Variants in FAAH2 observed in about 807,000 individuals in gnomAD.
The protein encoded by FAAH2 is fatty-acid amide hydrolase 2.
Under a neutral mutation model 36.9 loss-of-function variants are expected in FAAH2, and 60 were observed. That is an observed-to-expected ratio of 1.63 (90% confidence interval 1.32 to 2.02). FAAH2 has a LOEUF of 2.02. Ranked by LOEUF, FAAH2 falls within the 30% of genes most tolerant of loss-of-function variation. FAAH2 has a pLI of 0.00. For missense variants in FAAH2, 689 were observed against 397.5 expected (o/e 1.73, Z -6.23); for synonymous variants, 214 against 143.8 (o/e 1.49, Z -3.49).
chrX:57,431,065 C>T (rs2056281830), intron 7 of FAAH2, among the ~76,000 whole-genome samples: 1 of 111,778 alleles, frequency 8.9e-6, no homozygotes, highest in Admixed American at 9.5e-5. Flanking sequence ...TGAGCTGCAA[C>T]ACTAAATCGA....
intron 4 of FAAH2, among the ~76,000 whole-genome samples, chrX:57,338,814 G>A (rs1013209576): frequency 3.6e-5 from 4 of 111,265 alleles, no homozygotes; most frequent in African/African-American, 1.3e-4. Flanking sequence ...AATCATTATC[G>A]TGAAAATAGC....
chrX:57,193,348 G>A, the FAAH2 span, among the ~76,000 whole-genome samples: 1 of 111,782 alleles, frequency 8.9e-6, no homozygotes, highest in Admixed American at 9.5e-5. Flanking sequence ...CTCAAACCCT[G>A]TCTCCTGATA....
At chrX:57,132,316 C>T in the FAAH2 span, among the ~76,000 whole-genome samples, 2 of 111,720 alleles carry the variant, frequency 1.8e-5, no homozygotes, top group Admixed American at 9.5e-5. Flanking sequence ...GCGGGGAGGC[C>T]GATAACAACC....
At chrX:57,446,554 T>C (rs2056678817) in intron 8 of FAAH2, among the ~76,000 whole-genome samples, 1 of 112,113 alleles carries the variant, frequency 8.9e-6, no homozygotes, top group South Asian at 3.7e-4. Context: ...AGAGACCTCG[T>C]ACTCATTATC....
chrX:57,234,572 C>T, the FAAH2 span, among the ~76,000 whole-genome samples: 1 of 111,643 alleles, frequency 9.0e-6, no homozygotes, highest in African/African-American at 3.3e-5. Context: ...TGGACAGTCC[C>T]ATCTTGGGGT....
At position 57,489,033 on chromosome X, in the gene FAAH2, C is replaced by A. The variant is rs775633786; in HGVS notation, c.*101C>A. The stretch of plus-strand genomic sequence containing the variant: ...AAGCACCAGCAGACAAGCAGAGAAA[C>A]AACTGGGGAATTTATTGACTCATTT... On this transcript the variant is annotated 3_prime_UTR_variant, in exon 11 of 11. Coordinates refer to ENST00000374900, the MANE Select transcript of FAAH2 (RefSeq NM_174912.4). 2 of 840,281 alleles carry A rather than the reference C, an allele frequency of 2.4e-6. No individual in the cohort carries two copies. The highest frequency in any genetic ancestry group is 2.1e-5 in the African/African-American group (1 of 48,240). 69.2% of individuals were successfully genotyped at this position (840,281 alleles called of 1,213,427 possible). A position where few individuals can be genotyped will look rare whatever the true frequency, so the allele number is the denominator to read the frequency against.
At chrX:57,313,927 T>C (rs776151382) in intron 3 of FAAH2, among the ~76,000 whole-genome samples, 31 of 111,098 alleles carry the variant, frequency 2.8e-4, no homozygotes, top group African/African-American at 9.5e-4. Context: ...AATGTCCCAA[T>C]TAAAATACAG....
At chrX:57,154,465 G>T in the FAAH2 span, among the ~76,000 whole-genome samples, 2 of 108,414 alleles carry the variant, frequency 1.8e-5, no homozygotes, top group Non-Finnish European at 3.8e-5. Flanking sequence ...TAGAGACAGG[G>T]TTTCACCATG....
chrX:57,241,508 T>C, the FAAH2 span, among the ~76,000 whole-genome samples: 3 of 112,342 alleles, frequency 2.7e-5, no homozygotes, highest in Non-Finnish European at 5.6e-5. Context: ...TTTCTTCTTT[T>C]CTTTAAATAG....
Position 57,354,353 on chromosome X carries a change from C to G in FAAH2, c.742+12963C>G, listed in dbSNP as rs774719733. Among the ~76,000 whole-genome samples the G allele has an allele frequency of 3.6e-5, 4 of 110,698 alleles. No individual in the cohort carries two copies. In the South Asian group the frequency reaches 1.5e-3, roughly 42 times the overall value. ...CAGAAAGATAAGTATTACGTGTTCT[C>G]CCCAATAAGTGGGTGCTAAAAACGT... On this transcript the variant is annotated intron_variant, in intron 5 of 10. Transcript: ENST00000374900.
At chrX:57,216,757 A>G in the FAAH2 span, among the ~76,000 whole-genome samples, 47 of 102,607 alleles carry the variant, frequency 4.6e-4, no homozygotes, top group South Asian at 0.018. Flanking sequence ...TCTTTTTCGA[A>G]TAATAACTTC....
At chrX:57,235,678 T>C in the FAAH2 span, among the ~76,000 whole-genome samples, 1 of 112,147 alleles carries the variant, frequency 8.9e-6, no homozygotes, top group African/African-American at 3.2e-5. Flanking sequence ...CTTCTTAGTT[T>C]AACTTTATTT....
chrX:57,435,429 T>C (rs767685882), intron 8 of FAAH2, among the ~76,000 whole-genome samples: 2 of 110,889 alleles, frequency 1.8e-5, no homozygotes, highest in South Asian at 7.5e-4. Context: ...ACATGATCCA[T>C]CTAAATGCTG....
chrX:57,243,969 C>T, the FAAH2 span, among the ~76,000 whole-genome samples: 2 of 108,616 alleles, frequency 1.8e-5, no homozygotes, highest in African/African-American at 6.7e-5. Flanking sequence ...GGAGCATGTT[C>T]TAACCCAATG....
intron 10 of FAAH2, among the ~76,000 whole-genome samples, chrX:57,462,756 G>A (rs895575805): frequency 8.9e-6 from 1 of 112,402 alleles, no homozygotes; most frequent in Non-Finnish European, 1.9e-5. Flanking sequence ...CACAAGACAA[G>A]GATGCCGTCT....
intron 2 of FAAH2, among the ~76,000 whole-genome samples, chrX:57,310,364 T>A (rs1414123572): frequency 8.9e-6 from 1 of 111,832 alleles, no homozygotes; most frequent in Non-Finnish European, 1.9e-5. Context: ...AATGATGCAC[T>A]GACCAGCTTT....
the FAAH2 span, among the ~76,000 whole-genome samples, chrX:57,244,523 C>A: frequency 1.8e-5 from 2 of 111,926 alleles, no homozygotes; most frequent in Non-Finnish European, 3.8e-5. Context: ...ACAAGGGAAT[C>A]CCATCAGACT....
intron 10 of FAAH2, among the ~76,000 whole-genome samples, chrX:57,479,786 G>A (rs1056965473): frequency 9.0e-6 from 1 of 110,978 alleles, no homozygotes; most frequent in South Asian, 3.8e-4. Context: ...ATTGATTTTC[G>A]TATACTGAAC....
chrX:57,206,019 T>C, the FAAH2 span, among the ~76,000 whole-genome samples: 1 of 112,121 alleles, frequency 8.9e-6, no homozygotes, highest in Non-Finnish European at 1.9e-5. Flanking sequence ...AAGATCTTGC[T>C]CTTGAACAAT....
Sources: allele counts gnomAD v4.1 joint callset (sites outside exome capture counted in the v4.1 genomes callset), GRCh38; gene constraint gnomAD v4.1.1; transcripts MANE v1.5; gene names NCBI Gene and HGNC (gene_info 2026-07-23, HGNC 2026-07-21).